The following GPM6B variants were observed in gnomAD, a reference collection of about 807,000 sequenced individuals.
GPM6B encodes neuronal membrane glycoprotein M6-b.
In GPM6B, 4 loss-of-function variants were observed where a neutral mutation model predicts 27.2. The observed-to-expected ratio is 0.15, with a 90% CI of 0.07 to 0.34. GPM6B has a LOEUF of 0.34. Ranked by LOEUF, GPM6B falls within the 10% of genes least tolerant of loss-of-function variation. GPM6B has a pLI of 1.00. For missense variants in GPM6B, 183 were observed against 261.9 expected (o/e 0.70, Z 2.08); for synonymous variants, 124 against 103.1 (o/e 1.20, Z -1.23).
chrX:13,776,885 AATG>A (rs1464483157), intron 6 of GPM6B, among the ~76,000 whole-genome samples: 8 of 111,897 alleles, frequency 7.1e-5, no homozygotes, highest in African/African-American at 2.3e-4. Context: ...CAGAAATATA[AATG>A]ATTAACTGTG....
At chrX:13,792,880 C>T (rs1955650660) in intron 2 of GPM6B, among the ~76,000 whole-genome samples, 1 of 95,163 alleles carries the variant, frequency 1.1e-5, no homozygotes, top group African/African-American at 4.0e-5. Flanking sequence ...AGCCTGGCGA[C>T]AGAGCGAGAC....
rs1338545715 is a variant in GPM6B, at chrX:13,776,228, C to T, written c.837+10G>A. 25 of 1,198,341 alleles carry T rather than the reference C, an allele frequency of 2.1e-5. No homozygotes were observed. The highest frequency in any genetic ancestry group is 2.8e-5 in the Non-Finnish European group (25 of 883,709). ...GGCTAGACTAGGGTGGTCTTGGGGCCATTACTCACCAGGGCAATGACGGTG... is the reference window on the plus strand; with the variant it reads ...GGCTAGACTAGGGTGGTCTTGGGGCTATTACTCACCAGGGCAATGACGGTG... On this transcript the variant is annotated intron_variant, in intron 7 of 7. Coordinates refer to ENST00000316715, the MANE Select transcript of GPM6B (RefSeq NM_001001995.3).
chrX:13,880,402 G>A (rs1210067135), intron 1 of GPM6B, among the ~76,000 whole-genome samples: 2 of 111,102 alleles, frequency 1.8e-5, no homozygotes, highest in Admixed American at 9.5e-5. Context: ...CAGGCCGGGC[G>A]CGGTGGCTCA....
chrX:13,828,513 C>T (rs769493584), intron 1 of GPM6B, among the ~76,000 whole-genome samples: 2 of 111,694 alleles, frequency 1.8e-5, no homozygotes, highest in Non-Finnish European at 3.8e-5. Flanking sequence ...TTGTAAGTTT[C>T]CCAATTTCAG....
intron 2 of GPM6B, among the ~76,000 whole-genome samples, chrX:13,800,437 T>C (rs2048900587): frequency 8.9e-6 from 1 of 112,630 alleles, no homozygotes; most frequent in Non-Finnish European, 1.9e-5. Context: ...GAATTTGTTA[T>C]GCAACAATTG....
At chrX:13,933,396 A>G (rs974572542) in intron 1 of GPM6B, among the ~76,000 whole-genome samples, 1 of 111,628 alleles carries the variant, frequency 9.0e-6, no homozygotes, top group African/African-American at 3.3e-5. Flanking sequence ...CATTTACCCC[A>G]TATCCTCCAT....
intron 1 of GPM6B, among the ~76,000 whole-genome samples, chrX:13,912,746 T>C (rs2050389452): frequency 8.9e-6 from 1 of 112,434 alleles, no homozygotes; most frequent in African/African-American, 3.2e-5. Flanking sequence ...GGTTGGAACA[T>C]TGTAAGAAAC....
At chrX:13,800,564 G>A (rs1222696796) in intron 2 of GPM6B, among the ~76,000 whole-genome samples, 1 of 112,156 alleles carries the variant, frequency 8.9e-6, no homozygotes, top group African/African-American at 3.2e-5. Context: ...ACTTCAAGAG[G>A]AATTTACTTC....
chrX:13,931,810 T>C (rs1228857005), intron 1 of GPM6B, among the ~76,000 whole-genome samples: 1 of 112,259 alleles, frequency 8.9e-6, no homozygotes, highest in Non-Finnish European at 1.9e-5. Context: ...ACCTACTCTC[T>C]GCTATGGCCA....
chrX:13,915,278 TA>T (rs57417145), intron 1 of GPM6B, among the ~76,000 whole-genome samples: 2,225 of 80,448 alleles, frequency 0.028, 106 homozygotes, highest in African/African-American at 0.096. Context: ...AAAAAATGTG[TA>T]AAAAAAAAAA....
chrX:13,841,827 C>G (rs2049579511), intron 1 of GPM6B, among the ~76,000 whole-genome samples: 1 of 111,649 alleles, frequency 9.0e-6, no homozygotes, highest in East Asian at 2.8e-4. Context: ...TTGCTGGACT[C>G]TCTGCCATGC....
At chrX:13,930,677 C>T (rs1039763851) in intron 1 of GPM6B, among the ~76,000 whole-genome samples, 1 of 111,069 alleles carries the variant, frequency 9.0e-6, no homozygotes, top group Middle Eastern at 4.3e-3. Flanking sequence ...CAGGATTAAA[C>T]AGATAATACA....
intron 1 of GPM6B, among the ~76,000 whole-genome samples, chrX:13,933,717 A>G (rs1009364748): frequency 1.3e-4 from 15 of 112,016 alleles, no homozygotes; most frequent in African/African-American, 4.5e-4. Context: ...AAGTACGGGC[A>G]AATTTAAAGG....
chrX:13,871,796 C>G (rs1184925929), intron 1 of GPM6B, among the ~76,000 whole-genome samples: 1 of 112,270 alleles, frequency 8.9e-6, no homozygotes, highest in African/African-American at 3.2e-5. Context: ...AATCGGACAA[C>G]ACAAATATAG....
At chrX:13,931,381 C>A (rs934661936) in intron 1 of GPM6B, among the ~76,000 whole-genome samples, 67 of 106,486 alleles carry the variant, frequency 6.3e-4, no homozygotes, top group African/African-American at 2.3e-3. Flanking sequence ...CCAGCTACTC[C>A]GGAGGCTGAG....
intron 6 of GPM6B, among the ~76,000 whole-genome samples, chrX:13,776,655 G>A (rs747170291): frequency 8.9e-6 from 1 of 112,066 alleles, no homozygotes. Context: ...AGTCAGATAG[G>A]GTAGGAGCTG....
At chrX:13,774,393 C>A in intron 7 of GPM6B, 1 of 1,068,757 alleles carries the variant, frequency 9.4e-7, no homozygotes, top group South Asian at 2.6e-5. Context: ...TACAGTAAGT[C>A]ATCTTATTAA....
intron 1 of GPM6B, among the ~76,000 whole-genome samples, chrX:13,895,986 C>CTT (rs58403223): frequency 3.4e-5 from 3 of 87,128 alleles, no homozygotes; most frequent in Admixed American, 1.3e-4. Context: ...GCTAGAAAAA[C>CTT]TTTTTTTTTT....
At chrX:13,895,193 A>G (rs2050221786) in intron 1 of GPM6B, among the ~76,000 whole-genome samples, 1 of 111,913 alleles carries the variant, frequency 8.9e-6, no homozygotes, top group Non-Finnish European at 1.9e-5. Context: ...GCTCCTTAGC[A>G]TCTTTCTGCT....
Sources: gnomAD v4.1 joint callset for allele counts (sites outside exome capture counted in the v4.1 genomes callset) on GRCh38, gnomAD v4.1.1 for gene constraint, MANE v1.5 for transcripts, NCBI Gene and HGNC (gene_info 2026-07-23, HGNC 2026-07-21) for gene names.